The following CDC20B variants were observed in gnomAD, a reference collection of about 807,000 sequenced individuals.
CDC20B encodes the protein cell division cycle 20B, also known as cell division cycle protein 20 homolog B.
In CDC20B, 58 loss-of-function variants were observed where a neutral mutation model predicts 64.1. The observed-to-expected ratio is 0.90, with a 90% CI of 0.73 to 1.13. The LOEUF (loss-of-function observed/expected upper bound fraction) is 1.13. CDC20B is among the 50% of genes most tolerant of loss of function. The pLI is 0.00. For synonymous variants in CDC20B, 243 were observed against 230.6 expected (o/e 1.05, Z -0.49); for missense variants, 597 against 633.0 (o/e 0.94, Z 0.61).
intron 2 of CDC20B, among the ~76,000 whole-genome samples, chr5:55,157,831 A>G (rs1743858067): frequency 6.6e-6 from 1 of 152,242 alleles, no homozygotes; most frequent in Non-Finnish European, 1.5e-5. Context: ...TGGTCAGTCA[A>G]CATCCCTGCC....
At chr5:55,142,252 A>G (rs1206689182) in intron 4 of CDC20B, among the ~76,000 whole-genome samples, 1 of 152,192 alleles carries the variant, frequency 6.6e-6, no homozygotes, top group Non-Finnish European at 1.5e-5. Flanking sequence ...AGTGAGGACC[A>G]CATGAAGACA....
chr5:55,138,305 C>T (rs1018536431), intron 5 of CDC20B, among the ~76,000 whole-genome samples: 4 of 152,010 alleles, frequency 2.6e-5, no homozygotes, highest in Admixed American at 6.6e-5. Flanking sequence ...GGATTACAGG[C>T]GTGAGCCACT....
At chr5:55,165,265 C>T (rs1196231033) in intron 2 of CDC20B, 1 of 152,130 alleles carries the variant, frequency 6.6e-6, no homozygotes, top group Non-Finnish European at 1.5e-5. Context: ...GGCATTTCTT[C>T]TCCCAAAGTC....
chr5:55,133,078 C>A (rs181575501), intron 6 of CDC20B, among the ~76,000 whole-genome samples: 27 of 152,304 alleles, frequency 1.8e-4, no homozygotes, highest in Non-Finnish European at 3.2e-4. Flanking sequence ...ACAAGCTGGG[C>A]ACATAACAAG....
chr5:55,135,789 C>T (rs1273337355), intron 5 of CDC20B: 1 of 135,436 alleles, frequency 7.4e-6, no homozygotes, highest in Non-Finnish European at 1.5e-5. Flanking sequence ...AGCTCATCAG[C>T]TATCTTTAGT....
At chr5:55,142,058 C>T (rs1261375430) in intron 4 of CDC20B, among the ~76,000 whole-genome samples, 1 of 152,156 alleles carries the variant, frequency 6.6e-6, no homozygotes, top group African/African-American at 2.4e-5. Context: ...CCACAGTTAC[C>T]ACAAAGCTGA....
rs1743354552 is a variant in CDC20B, at chr5:55,142,424, A to G, written c.486+1089T>C. 2.6e-5 allele frequency among the ~76,000 whole-genome samples: 4 copies of G among 152,214 alleles called. No individual in the cohort carries two copies. In the South Asian group the frequency reaches 8.3e-4, roughly 31 times the overall value. On this transcript the variant is annotated intron_variant, in intron 4 of 11. Transcript: ENST00000381375. ...TTCAGTGATGCTGGGATGATGTTCC[A>G]GCTGGTATAACAATTGCTAAGGAGT...
chr5:55,125,109 T>C (rs1421036680), intron 8 of CDC20B, 81 bp from the exon 9 acceptor site: 4 of 1,176,896 alleles, frequency 3.4e-6, no homozygotes, highest in Non-Finnish European at 4.9e-6. Context: ...TAGTTCAAAG[T>C]AAAACTTCTG....
chr5:55,128,435 C>G lies in CDC20B; in HGVS notation c.880G>C (p.Glu294Gln), dbSNP rs199921362. 1 of 1,603,458 alleles carries G rather than the reference C, an allele frequency of 6.2e-7. No homozygotes were observed. The highest frequency in any genetic ancestry group is 1.7e-5 in the Admixed American group (1 of 57,320). ...CTGGCCAGTACTTGCACTTCTCCCT[C>G]GCTGGTGCCAACTGCCAGGCAAGTT... is the stretch of plus-strand genomic sequence containing the variant. ...EGTCLAVGTS[E>Q]GEVQLWDVVT... The change falls in exon 7 of 12, where the codon GAG (glutamate) becomes CAG (glutamine). Residue 294 changes from glutamate (E) to glutamine (Q), a missense_variant. Around this residue, in one of 3 missense-constraint regions of CDC20B, gnomAD observed 353 missense variants for 397.0 expected, o/e 0.89. Coordinates refer to ENST00000381375, the MANE Select transcript of CDC20B (RefSeq NM_001170402.1).
chr5:55,120,101 A>G (rs950727286), intron 10 of CDC20B, among the ~76,000 whole-genome samples, 183 bp from the exon 11 acceptor site: 4 of 152,218 alleles, frequency 2.6e-5, no homozygotes, highest in Admixed American at 6.5e-5. Flanking sequence ...GATCAAGTAT[A>G]CAAATAGGCT....
At chr5:55,140,292 G>T in intron 5 of CDC20B, 22 bp downstream of exon 5, 1 of 1,486,516 alleles carries the variant, frequency 6.7e-7, no homozygotes, top group Non-Finnish European at 9.2e-7. Flanking sequence ...CAGGAAAGAA[G>T]GACAATGTCT....
Position 55,124,884 on chromosome 5 carries a change from C to G in CDC20B, c.1134G>C (p.Leu378=), listed in dbSNP as rs1285962167. The change falls in exon 9 of 12, where the codon CTG becomes CTC. Residue 378 remains leucine, a synonymous_variant. Transcript: ENST00000381375. ...CTGGATCGTGGGGCCATATTGTCAG[C>G]AGTCCATCACTGCAGCCGCTGGAAA... ...RLLSSGCSDG[L]LTIWPHDPGA... The G allele has an allele frequency of 6.2e-7, 1 of 1,614,178 alleles. No individual in the cohort carries two copies. The highest frequency in any genetic ancestry group is 1.3e-5 in the African/African-American group (1 of 75,042).
At chr5:55,146,374 T>C (rs140619698) in intron 3 of CDC20B, among the ~76,000 whole-genome samples, 151 of 152,370 alleles carry the variant, frequency 9.9e-4, no homozygotes, top group African/African-American at 3.3e-3. Context: ...CCAACGGTTC[T>C]TTGCACAATT....
intron 8 of CDC20B, 150 bp from the exon 9 acceptor site, chr5:55,125,178 G>A: frequency 1.6e-6 from 1 of 609,592 alleles, no homozygotes; most frequent in South Asian, 2.1e-5. Flanking sequence ...AATAAGGATG[G>A]AGTGTTCTGC....
rs1285215249 is a variant in CDC20B at position 55,146,719 on chromosome 5, A to G, written c.264T>C (p.Asp88=). Reference sequence around the variant, plus strand: ...TGGTTGACTGCTCTTCCCCAAAGGAATCAGAGGACAGAGCCCTAGTTTGAC... The same window carrying G: ...TGGTTGACTGCTCTTCCCCAAAGGAGTCAGAGGACAGAGCCCTAGTTTGAC... ...QQSQTRALSS[D]SFGEEQSTTY... The change falls in exon 3 of 12, where the codon GAT becomes GAC. Residue 88 remains aspartate (D), a synonymous_variant. Transcript: ENST00000381375. 1 of 1,614,152 alleles carries G rather than the reference A, an allele frequency of 6.2e-7. No individual in the cohort carries two copies. The highest frequency in any genetic ancestry group is 1.7e-5 in the Admixed American group (1 of 60,020).
chr5:55,130,304 A>G (rs1168738788), intron 6 of CDC20B, among the ~76,000 whole-genome samples: 2 of 152,224 alleles, frequency 1.3e-5, no homozygotes, highest in African/African-American at 4.8e-5. Context: ...GTAAACTTGA[A>G]TATAGATAAC....
chr5:55,156,073 C>A (rs956100787), intron 2 of CDC20B, among the ~76,000 whole-genome samples: 4 of 152,182 alleles, frequency 2.6e-5, no homozygotes, highest in African/African-American at 9.7e-5. Context: ...AGGGAGTCCT[C>A]ACAATCATGG....
At chr5:55,155,263 G>A (rs779261608) in intron 2 of CDC20B, among the ~76,000 whole-genome samples, 4 of 152,110 alleles carry the variant, frequency 2.6e-5, no homozygotes, top group Non-Finnish European at 5.9e-5. Context: ...TTAAAAATAA[G>A]GTCAGGAAGT....
chr5:55,118,607 C>T (rs1561284438), intron 11 of CDC20B, among the ~76,000 whole-genome samples: 1 of 152,166 alleles, frequency 6.6e-6, no homozygotes, highest in Non-Finnish European at 1.5e-5. Flanking sequence ...GCTTGATTTA[C>T]AATACTTCTC....
Sources: gnomAD v4.1 joint callset for allele counts (sites outside exome capture counted in the v4.1 genomes callset) on GRCh38, gnomAD v4.1.1 for gene constraint, gnomAD v4.1.1 regional missense constraint, MANE v1.5 for transcripts, NCBI Gene and HGNC (gene_info 2026-07-23, HGNC 2026-07-21) for gene names.